Variants in FANCI observed in about 807,000 individuals in gnomAD.
FANCI encodes the protein Fanconi anemia group I protein.
A neutral mutation model predicts 176.1 loss-of-function variants in FANCI; 156 were observed. The ratio of observed to expected loss-of-function variants is 0.89; its 90% CI spans 0.78 to 1.01. The LOEUF (loss-of-function observed/expected upper bound fraction) is 1.01. Among genes scored for constraint, FANCI ranks in the 50% least tolerant of loss-of-function variants. The pLI is 0.00. For synonymous variants in FANCI, 613 were observed against 541.7 expected (o/e 1.13, Z -1.83); for missense variants, 1,678 against 1,534.1 (o/e 1.09, Z -1.57).
At chr15:89,274,807 A>T (rs543158998) in intron 12 of FANCI, among the ~76,000 whole-genome samples, 24 of 151,496 alleles carry the variant, frequency 1.6e-4, no homozygotes, top group African/African-American at 5.6e-4. Flanking sequence ...GTTTCGCCAT[A>T]TTGCCCAGGC....
Position 89,286,962 on chromosome 15 carries a change from C to T in FANCI, c.1821+1744C>T, listed in dbSNP as rs570623505. On this transcript the variant is annotated intron_variant, in intron 18 of 37. Transcript: ENST00000310775. Reference sequence around the variant, plus strand: ...GCCTCAGCTTCTCCATCAGCATTTGCTGCTTCACCTTGCACTTTTTTTTTT... The same window carrying T: ...GCCTCAGCTTCTCCATCAGCATTTGTTGCTTCACCTTGCACTTTTTTTTTT... Among the ~76,000 whole-genome samples the T allele has an allele frequency of 2.9e-4, 39 of 133,372 alleles. 1 individual carries two copies. The highest frequency in any genetic ancestry group is 9.5e-4 in the African/African-American group (31 of 32,476). 87.5% of individuals were successfully genotyped at this position (133,372 alleles called of 152,430 possible).
rs777483611 is a variant in FANCI at position 89,294,977 on chromosome 15, G to T, written c.2519G>T (p.Arg840Leu). The change falls in exon 24 of 38, where the codon CGC (arginine) becomes CTC (leucine). Residue 840 changes from arginine (R) to leucine (L), a missense_variant. Physicochemically the swap from Arg to Leu is moderately radical, Grantham distance 102 (BLOSUM62 -2). This residue lies in a region of FANCI where 1,204 missense variants were observed against 1,077.4 expected (regional missense o/e 1.12). Coordinates refer to ENST00000310775, the MANE Select transcript of FANCI (RefSeq NM_001113378.2). Reference sequence around the variant, plus strand: ...CTCAGGTCCAGCAATGAGTTTATGCGCTATGCAGTGAATGTAGCTCTGCAG... The same window carrying T: ...CTCAGGTCCAGCAATGAGTTTATGCTCTATGCAGTGAATGTAGCTCTGCAG... ...SVLRSSNEFM[R>L]YAVNVALQKV... is the part of the protein sequence containing the mutation. 1.3e-6 allele frequency: 2 copies of T among 1,552,284 alleles called. No individual in the cohort carries two copies. The highest frequency in any genetic ancestry group is 4.9e-5 in the East Asian group (2 of 40,920).
At chr15:89,298,890 C>T (rs1164275314) in intron 24 of FANCI, among the ~76,000 whole-genome samples, 11 of 152,132 alleles carry the variant, frequency 7.2e-5, no homozygotes, top group Admixed American at 7.2e-4. Context: ...GGCAACCTGG[C>T]CGGGCGTGGT....
At chr15:89,255,596 C>A (rs2052457973) in intron 2 of FANCI, among the ~76,000 whole-genome samples, 1 of 152,050 alleles carries the variant, frequency 6.6e-6, no homozygotes, top group Admixed American at 6.6e-5. Flanking sequence ...TCTTGTGAGA[C>A]CGCATAAACT....
chr15:89,279,391 C>A (rs2053530487), intron 14 of FANCI, among the ~76,000 whole-genome samples: 1 of 152,220 alleles, frequency 6.6e-6, no homozygotes, highest in East Asian at 1.9e-4. Flanking sequence ...CTCCTGACTT[C>A]AGGTGATCCA....
At position 89,261,804 on chromosome 15, in the gene FANCI, A is replaced by T. The variant is rs768395269; in HGVS notation, c.446-17A>T. ...CACATAATCAAATTCATTGCTCAGT[A>T]TATTTTGCATTTCTAGGTGTACTGA... On this transcript the variant is annotated splice_polypyrimidine_tract_variant and intron_variant, in intron 5 of 37. Coordinates refer to ENST00000310775, the MANE Select transcript of FANCI (RefSeq NM_001113378.2). The T allele has an allele frequency of 1.2e-6, 2 of 1,613,984 alleles. No homozygotes were observed. The highest frequency in any genetic ancestry group is 2.2e-5 in the East Asian group (1 of 44,862).
At chr15:89,313,003 G>A (rs745756303) in intron 35 of FANCI, 31 bp downstream of exon 35, 5 of 1,602,598 alleles carry the variant, frequency 3.1e-6, no homozygotes, top group Non-Finnish European at 3.4e-6. Flanking sequence ...GTTAAAATAT[G>A]CTTGTTGGTG....
At chr15:89,288,662 C>G (rs1167699786) in intron 18 of FANCI, among the ~76,000 whole-genome samples, 1 of 150,548 alleles carries the variant, frequency 6.6e-6, no homozygotes, top group Non-Finnish European at 1.5e-5. Context: ...CTCTGTTATC[C>G]AGGCTGGAGT....
chr15:89,258,608 T>C (rs1350216642), intron 2 of FANCI, 96 bp from the exon 3 acceptor site: 2 of 917,942 alleles, frequency 2.2e-6, no homozygotes, highest in Non-Finnish European at 1.8e-6. Context: ...CTGAATGATC[T>C]GAACGTGACA....
intron 25 of FANCI, 54 bp from the exon 26 acceptor site, chr15:89,300,246 C>T (rs186774071): frequency 1.3e-6 from 2 of 1,558,036 alleles, no homozygotes; most frequent in Middle Eastern, 1.7e-4. Context: ...TATTAAAAGG[C>T]CAAAAAGTAT....
intron 34 of FANCI, among the ~76,000 whole-genome samples, chr15:89,311,960 TAC>T (rs1258469544): frequency 3.3e-5 from 5 of 152,204 alleles, no homozygotes; most frequent in Non-Finnish European, 5.9e-5. Context: ...ATCAGAATCT[TAC>T]ACTTTTTGGT....
chr15:89,315,778 A>G (rs544362927), intron 37 of FANCI, among the ~76,000 whole-genome samples: 2 of 152,262 alleles, frequency 1.3e-5, no homozygotes, highest in African/African-American at 4.8e-5. Flanking sequence ...TCTTCCTTCA[A>G]TTCATGCCAA....
chr15:89,296,184 C>T (rs1020460340), intron 24 of FANCI, among the ~76,000 whole-genome samples: 24 of 151,768 alleles, frequency 1.6e-4, no homozygotes, highest in African/African-American at 5.6e-4. Flanking sequence ...AGGCTGGTCT[C>T]GAACTCCTGA....
intron 24 of FANCI, among the ~76,000 whole-genome samples, chr15:89,295,495 A>G (rs1028132472): frequency 6.6e-6 from 1 of 152,020 alleles, no homozygotes; most frequent in Non-Finnish European, 1.5e-5. Flanking sequence ...GAGAAACCCT[A>G]TCTCTACTAA....
At chr15:89,281,857 C>T (rs1242093323) in intron 16 of FANCI, 22 bp downstream of exon 16, 2 of 1,607,590 alleles carry the variant, frequency 1.2e-6, no homozygotes, top group Admixed American at 3.3e-5. Context: ...CTTTTTCTAT[C>T]ATAGGAAGAC....
chr15:89,270,052 C>G (rs2053139655), intron 10 of FANCI, among the ~76,000 whole-genome samples: 2 of 152,200 alleles, frequency 1.3e-5, no homozygotes, highest in South Asian at 4.1e-4. Flanking sequence ...CTCAAGTGAT[C>G]TGCCTGCCTT....
chr15:89,303,014 C>T (rs753506830), intron 27 of FANCI, among the ~76,000 whole-genome samples: 3 of 152,154 alleles, frequency 2.0e-5, no homozygotes, highest in African/African-American at 4.8e-5. Context: ...AATAAGTAAA[C>T]ACCTTTAGTT....
rs369620066 is a variant in FANCI at position 89,315,425 on chromosome 15, T to C, written c.3924+36T>C. 53 of 1,424,546 alleles carry C rather than the reference T, an allele frequency of 3.7e-5. No homozygotes were observed. The African/African-American group carries it at 6.5e-4, about 17-fold the overall frequency. 88.2% of individuals were successfully genotyped at this position (1,424,546 alleles called of 1,614,324 possible). On this transcript the variant is annotated intron_variant, in intron 37 of 37. Coordinates refer to ENST00000310775, the MANE Select transcript of FANCI (RefSeq NM_001113378.2). ...GCTTCTGTCTGGAGCCCAGCCACTCTTCCTAGCTGGTTAGCAGCCTATCTG... is the reference window on the plus strand; with the variant it reads ...GCTTCTGTCTGGAGCCCAGCCACTCCTCCTAGCTGGTTAGCAGCCTATCTG...
chr15:89,262,917 G>A (rs532131853), intron 6 of FANCI, among the ~76,000 whole-genome samples: 4 of 152,296 alleles, frequency 2.6e-5, no homozygotes, highest in African/African-American at 9.6e-5. Context: ...TTTAAATAGA[G>A]ATGGGAATCT....
Sources: allele counts gnomAD v4.1 joint callset (sites outside exome capture counted in the v4.1 genomes callset), GRCh38; gene constraint gnomAD v4.1.1; regional missense constraint gnomAD v4.1.1; transcripts MANE v1.5; gene names NCBI Gene and HGNC (gene_info 2026-07-23, HGNC 2026-07-21).